SELENOP: variants seen among roughly 807,000 people sequenced by gnomAD.
SELENOP encodes the protein selenoprotein P, plasma, 1.
SELENOP carries 36 observed loss-of-function variants against 41.0 expected under a neutral mutation model. The ratio of observed to expected loss-of-function variants is 0.88; its 90% CI spans 0.67 to 1.16. The LOEUF (loss-of-function observed/expected upper bound fraction) is 1.16. SELENOP is among the 50% of genes most tolerant of loss of function. The pLI is 0.00. For missense variants in SELENOP, 440 were observed against 454.2 expected, an observed-to-expected ratio of 0.97 and a Z score of 0.28; for synonymous variants, 144 against 150.8, an observed-to-expected ratio of 0.95 and a Z score of 0.33.
At chr5:42,811,098 G>A (rs1396377226) in intron 1 of SELENOP, among the ~76,000 whole-genome samples, 1 of 152,132 alleles carries the variant, frequency 6.6e-6, no homozygotes, top group African/African-American at 2.4e-5. Flanking sequence ...TTTCAATTGC[G>A]AAACTTAAAT....
chr5:42,801,212 A>G lies in SELENOP; in HGVS notation c.654T>C (p.Leu218=). ...GATTCTCTGAAAGCTCACTGCTGCC[A>G]AGGTGCTGATGTCCATGATTGTGAT... ...EHHHNHGHQH[L]GSSELSENQQ... The change falls in exon 5 of 5, where the codon CTT becomes CTC. Residue 218 remains leucine (L), a synonymous_variant. Coordinates refer to ENST00000514985, the MANE Select transcript of SELENOP (RefSeq NM_005410.4). 1 of 1,614,178 alleles carries G rather than the reference A, an allele frequency of 6.2e-7. No homozygotes were observed. Among genetic ancestry groups the G allele is most frequent in the Non-Finnish European group, 8.5e-7 (1 of 1,180,030 alleles).
chr5:42,804,352 T>G (rs1011824620), intron 4 of SELENOP, among the ~76,000 whole-genome samples: 3 of 152,120 alleles, frequency 2.0e-5, no homozygotes, highest in Non-Finnish European at 2.9e-5. Flanking sequence ...TCCTAGCTAC[T>G]CGGGAGACTG....
Position 42,808,242 on chromosome 5 carries a change from C to G in SELENOP, c.112G>C (p.Asp38His), listed in dbSNP as rs201517556. 5.1e-6 allele frequency: 8 copies of G among 1,576,880 alleles called. No homozygotes were observed. Among genetic ancestry groups the G allele is most frequent in the Middle Eastern group, 1.7e-4 (1 of 5,954 alleles). The change falls in exon 2 of 5, where the codon GAT becomes CAT. Residue 38 changes from aspartate (D) to histidine (H), a missense_variant. Transcript: ENST00000514985. Reference protein sequence around the residue: ...CKQPPAWSIRDQDPMLNSNGS... With the variant: ...CKQPPAWSIRHQDPMLNSNGS... The stretch of plus-strand genomic sequence containing the variant: ...TTGGAGTTTAGCATTGGATCTTGAT[C>G]TCTTATGCTCCAGGCTGGGGGTTGC...
chr5:42,804,536 A>C, intron 4 of SELENOP, 120 bp downstream of exon 4: 2 of 557,654 alleles, frequency 3.6e-6, no homozygotes, highest in Non-Finnish European at 6.4e-6. Context: ...AATTGTAAAA[A>C]TTATTGTTAT....
In SELENOP at chr5:42,800,714, A is replaced by C; in HGVS notation, c.*6T>G. Reference sequence around the variant, plus strand: ...TAAATTGGGGAGTATGTCCTATTTTAAATATTTAGTTTGAAGGTCATTCTC... The same window carrying C: ...TAAATTGGGGAGTATGTCCTATTTTCAATATTTAGTTTGAAGGTCATTCTC... On this transcript the variant is annotated 3_prime_UTR_variant, in exon 5 of 5. Coordinates refer to ENST00000514985, the MANE Select transcript of SELENOP (RefSeq NM_005410.4). 6.3e-7 allele frequency: 1 copy of C among 1,591,394 alleles called. No homozygotes were observed. The highest frequency in any genetic ancestry group is 8.6e-7 in the Non-Finnish European group (1 of 1,166,018).
At chr5:42,806,123 G>C (rs766275857) in intron 3 of SELENOP, 1 of 152,184 alleles carries the variant, frequency 6.6e-6, no homozygotes, top group Non-Finnish European at 1.5e-5. Flanking sequence ...TGTGGTGGAA[G>C]GAGTAAGTAA....
chr5:42,804,502 G>A (rs554839492), intron 4 of SELENOP, among the ~76,000 whole-genome samples, 154 bp downstream of exon 4: 22 of 149,552 alleles, frequency 1.5e-4, no homozygotes, highest in African/African-American at 5.4e-4. Context: ...ATAAAGTAGA[G>A]GTTAGATGAC....
intron 4 of SELENOP, among the ~76,000 whole-genome samples, chr5:42,802,877 G>A (rs1236068636): frequency 6.6e-6 from 1 of 152,162 alleles, no homozygotes; most frequent in African/African-American, 2.4e-5. Flanking sequence ...CCAAAGTGCT[G>A]GGATTACAGG....
chr5:42,802,928 C>T (rs1009733662), intron 4 of SELENOP, among the ~76,000 whole-genome samples: 6 of 151,868 alleles, frequency 4.0e-5, no homozygotes, highest in African/African-American at 9.7e-5. Flanking sequence ...ATTTCAGAAA[C>T]GAATTACTAT....
intron 4 of SELENOP, chr5:42,802,396 G>T (rs1303302217): frequency 6.6e-6 from 1 of 152,114 alleles, no homozygotes; most frequent in Admixed American, 6.5e-5. Flanking sequence ...TGTTTTGAAG[G>T]TTTTAAAAGG....
chr5:42,808,490 C>T (rs888059189), intron 1 of SELENOP, 124 bp from the exon 2 acceptor site: 12 of 390,816 alleles, frequency 3.1e-5, no homozygotes, highest in African/African-American at 2.1e-4. Context: ...AATTCTGTCT[C>T]CAGAAAGTTA....
In SELENOP at chr5:42,806,853, A is replaced by C. The variant is rs762483655; in HGVS notation, c.416+43T>G. ...GGAAGTAAATAAATAGATACGAAAC[A>C]GTTATTTTTAAATTTGGGATGTGTT... On this transcript the variant is annotated intron_variant, in intron 3 of 4. Transcript: ENST00000514985. 1.9e-5 allele frequency: 21 copies of C among 1,130,542 alleles called. No individual in the cohort carries two copies. In the South Asian group the frequency reaches 2.7e-4, roughly 15 times the overall value. The allele number at this position is 1,130,542 out of a possible 1,614,324, so 70.0% of individuals were successfully genotyped here.
chr5:42,803,133 C>A (rs1473329499), intron 4 of SELENOP, among the ~76,000 whole-genome samples: 1 of 151,800 alleles, frequency 6.6e-6, no homozygotes, highest in Non-Finnish European at 1.5e-5. Flanking sequence ...AAACTCCAAT[C>A]GGATTTGGCA....
intron 4 of SELENOP, among the ~76,000 whole-genome samples, chr5:42,802,923 A>G (rs893927159): frequency 1.3e-5 from 2 of 152,100 alleles, no homozygotes; most frequent in African/African-American, 4.8e-5. Context: ...GTCTAATTTC[A>G]GAAACGAATT....
chr5:42,808,201 C>T lies in SELENOP; in HGVS notation c.153G>A (p.Val51=). The change falls in exon 2 of 5, where the codon GTG becomes GTA. Residue 51 remains valine, a synonymous_variant. Coordinates refer to ENST00000514985, the MANE Select transcript of SELENOP (RefSeq NM_005410.4). ...ATCAGCTGGCTTGAAGAAGAGCAACCACAGTCACTGAACCATTGGAGTTTA... is the reference window on the plus strand; with the variant it reads ...ATCAGCTGGCTTGAAGAAGAGCAACTACAGTCACTGAACCATTGGAGTTTA... The part of the protein sequence containing the change: ...PMLNSNGSVT[V]VALLQASUYL... 3 of 1,577,674 alleles carry T rather than the reference C, an allele frequency of 1.9e-6. No individual in the cohort carries two copies. Among genetic ancestry groups the T allele is most frequent in the Non-Finnish European group, 2.6e-6 (3 of 1,162,936 alleles).
chr5:42,809,748 CA>C, intron 1 of SELENOP: 1 of 913,590 alleles, frequency 1.1e-6, no homozygotes, highest in Non-Finnish European at 1.3e-6. Flanking sequence ...TTTAACACAT[CA>C]AAACTCTTAC....
rs202162289 is a variant in SELENOP at position 42,804,793 on chromosome 5, C to T, written c.417-20G>A. On this transcript the variant is annotated intron_variant, in intron 3 of 4. Coordinates refer to ENST00000514985, the MANE Select transcript of SELENOP (RefSeq NM_005410.4). ...CCACATCTAAGAAAAAGGACAAATA[C>T]AATGTCACTATAATATTTTCTGTAT... 3.7e-3 allele frequency: 5,002 copies of T among 1,367,536 alleles called. 14 individuals are homozygous for T. The highest frequency in any genetic ancestry group is 4.4e-3 in the Non-Finnish European group (4,226 of 961,070). 84.7% of individuals were successfully genotyped at this position (1,367,536 alleles called of 1,614,324 possible).
At position 42,800,716 on chromosome 5, in the gene SELENOP, ATATT is replaced by A; in HGVS notation, c.1146_*3del. ...AATTGGGGAGTATGTCCTATTTTAA[ATATT>A]TAGTTTGAAGGTCATTCTCACTTTT... On this transcript the variant is annotated stop_lost and 3_prime_UTR_variant, in exon 5 of 5. Transcript: ENST00000514985. 2 of 1,592,538 alleles carry A rather than the reference ATATT, an allele frequency of 1.3e-6. No homozygotes were observed. Among genetic ancestry groups the A allele is most frequent in the Non-Finnish European group, 1.7e-6 (2 of 1,166,676 alleles).
In SELENOP at chr5:42,804,637, A is replaced by G; in HGVS notation, c.534+19T>C. 1 of 1,399,754 alleles carries G rather than the reference A, an allele frequency of 7.1e-7. No individual in the cohort carries two copies. 86.7% of individuals were successfully genotyped at this position (1,399,754 alleles called of 1,614,324 possible). On this transcript the variant is annotated intron_variant, in intron 4 of 4. Transcript: ENST00000514985. ...AAGATTTCCTCTTTTCTCCCCAGAAAAATAATTCAGAAAAATACCGTGAGA... is the reference window on the plus strand; with the variant it reads ...AAGATTTCCTCTTTTCTCCCCAGAAGAATAATTCAGAAAAATACCGTGAGA...
Sources: gnomAD v4.1 joint callset for allele counts (sites outside exome capture counted in the v4.1 genomes callset) on GRCh38, gnomAD v4.1.1 for gene constraint, MANE v1.5 for transcripts, NCBI Gene and HGNC (gene_info 2026-07-23, HGNC 2026-07-21) for gene names.